PRKG1: variants seen among roughly 807,000 people sequenced by gnomAD.
PRKG1 encodes cGMP-dependent protein kinase 1.
A neutral mutation model predicts 88.1 loss-of-function variants in PRKG1; 35 were observed. The observed-to-expected ratio is 0.40, with a 90% CI of 0.30 to 0.53. The LOEUF (loss-of-function observed/expected upper bound fraction) is 0.53. Ranked by LOEUF, PRKG1 falls within the 20% of genes least tolerant of loss-of-function variation. The pLI, the probability that PRKG1 is intolerant of heterozygous loss-of-function variation, is 0.59. For synonymous variants in PRKG1, 303 were observed against 292.5 expected (o/e 1.04, Z -0.37); for missense variants, 540 against 839.8 (o/e 0.64, Z 4.41).
At chr10:51,276,346 T>C (rs1376493124) in intron 2 of PRKG1, among the ~76,000 whole-genome samples, 1 of 152,234 alleles carries the variant, frequency 6.6e-6, no homozygotes, top group Non-Finnish European at 1.5e-5. Flanking sequence ...TGCCGCATTT[T>C]CTTAATACAG....
intron 9 of PRKG1, among the ~76,000 whole-genome samples, chr10:52,193,563 C>CAAAAAAAAAAAAAAAAAAAAAA (rs67349420): frequency 8.4e-6 from 1 of 118,522 alleles, no homozygotes; most frequent in African/African-American, 3.3e-5. Flanking sequence ...AAAAAAAAAA[C>CAAAAAAAAAAAAAAAAAAAAAA]AAAAAAAAAA....
chr10:51,178,618 CAG>C (rs1294938313), intron 2 of PRKG1, among the ~76,000 whole-genome samples: 1 of 152,120 alleles, frequency 6.6e-6, no homozygotes, highest in Non-Finnish European at 1.5e-5. Context: ...GCCTGGAAGA[CAG>C]AGTGAGAACC....
At chr10:52,090,434 TACTG>T (rs1389269624) in intron 7 of PRKG1, among the ~76,000 whole-genome samples, 1 of 149,536 alleles carries the variant, frequency 6.7e-6, no homozygotes, top group Non-Finnish European at 1.5e-5. Flanking sequence ...AATAAATAAA[TACTG>T]AATAAATAAG....
chr10:51,031,819 T>C (rs1247497404), intron 1 of PRKG1, among the ~76,000 whole-genome samples: 1 of 152,180 alleles, frequency 6.6e-6, no homozygotes, highest in Non-Finnish European at 1.5e-5. Context: ...TATCTCATCA[T>C]ATGAATAGAA....
At chr10:51,712,400 G>A (rs1378482417) in intron 3 of PRKG1, among the ~76,000 whole-genome samples, 1 of 152,072 alleles carries the variant, frequency 6.6e-6, no homozygotes, top group African/African-American at 2.4e-5. Flanking sequence ...TTTCTCAACT[G>A]CCAAGGTGCC....
intron 3 of PRKG1, among the ~76,000 whole-genome samples, chr10:51,556,464 C>T (rs1837314085): frequency 6.6e-6 from 1 of 151,606 alleles, no homozygotes; most frequent in South Asian, 2.1e-4. Context: ...GTCACGATAG[C>T]AAAGACATGG....
intron 12 of PRKG1, among the ~76,000 whole-genome samples, chr10:52,274,036 T>G (rs1315152391): frequency 6.6e-6 from 1 of 152,092 alleles, no homozygotes; most frequent in African/African-American, 2.4e-5. Flanking sequence ...TTTTTCTAAT[T>G]AGAATAGAAG....
chr10:51,031,702 A>G (rs1843286404), intron 1 of PRKG1, among the ~76,000 whole-genome samples: 1 of 152,188 alleles, frequency 6.6e-6, no homozygotes, highest in Admixed American at 6.5e-5. Flanking sequence ...TACATGAGTT[A>G]TCCAAGATCA....
chr10:51,866,017 C>T (rs1010941944), intron 4 of PRKG1, among the ~76,000 whole-genome samples: 3 of 151,806 alleles, frequency 2.0e-5, no homozygotes, highest in Non-Finnish European at 4.4e-5. Context: ...AGGGATTTTT[C>T]TTGAGTCACA....
intron 6 of PRKG1, among the ~76,000 whole-genome samples, chr10:52,059,897 C>G (rs1029564095): frequency 6.6e-6 from 1 of 151,680 alleles, no homozygotes; most frequent in Non-Finnish European, 1.5e-5. Flanking sequence ...CTAGGCATAT[C>G]TATAACAAGA....
chr10:51,949,175 T>A (rs1330741208), intron 5 of PRKG1, among the ~76,000 whole-genome samples: 1 of 152,118 alleles, frequency 6.6e-6, no homozygotes, highest in East Asian at 1.9e-4. Context: ...TTAAGAAATA[T>A]TTAACATGTA....
chr10:52,179,666 T>C (rs977588474), intron 9 of PRKG1, among the ~76,000 whole-genome samples: 1 of 152,156 alleles, frequency 6.6e-6, no homozygotes, highest in African/African-American at 2.4e-5. Context: ...TATTATTTTA[T>C]TAGATACACT....
At chr10:51,881,704 A>G (rs1422322125) in intron 4 of PRKG1, among the ~76,000 whole-genome samples, 1 of 152,200 alleles carries the variant, frequency 6.6e-6, no homozygotes, top group African/African-American at 2.4e-5. Flanking sequence ...AGACAGCGGA[A>G]GGAAAAGATT....
At chr10:51,951,947 A>G (rs973881536) in intron 5 of PRKG1, among the ~76,000 whole-genome samples, 7 of 152,184 alleles carry the variant, frequency 4.6e-5, no homozygotes, top group Non-Finnish European at 8.8e-5. Context: ...TCAATATTAT[A>G]TGAAATTCAG....
At chr10:51,859,484 C>T (rs1263171545) in intron 4 of PRKG1, among the ~76,000 whole-genome samples, 1 of 150,620 alleles carries the variant, frequency 6.6e-6, no homozygotes, top group Non-Finnish European at 1.5e-5. Flanking sequence ...AAAATAGATG[C>T]AGCCCTTGAT....
At chr10:51,962,473 T>G (rs1306116103) in intron 5 of PRKG1, among the ~76,000 whole-genome samples, 2 of 152,098 alleles carry the variant, frequency 1.3e-5, no homozygotes, top group Non-Finnish European at 2.9e-5. Context: ...AGCTCCAGAT[T>G]TCTTTTTCTT....
intron 5 of PRKG1, among the ~76,000 whole-genome samples, chr10:51,947,268 A>T (rs1843065711): frequency 6.6e-6 from 1 of 152,136 alleles, no homozygotes; most frequent in Non-Finnish European, 1.5e-5. Context: ...CCTCGGAGCC[A>T]GGTGTGGGAT....
intron 9 of PRKG1, among the ~76,000 whole-genome samples, chr10:52,170,046 T>G (rs1299880039): frequency 6.6e-6 from 1 of 152,210 alleles, no homozygotes; most frequent in Non-Finnish European, 1.5e-5. Flanking sequence ...AGCATTCCCT[T>G]AGTTTAAAGC....
intron 2 of PRKG1, among the ~76,000 whole-genome samples, chr10:51,232,801 A>G (rs7088380): frequency 0.12 from 18,198 of 152,174 alleles, 1,978 homozygotes; most frequent in African/African-American, 0.29. Context: ...AGCTCCTTCA[A>G]TAGAATCAAC....
Sources: allele counts gnomAD v4.1 joint callset (sites outside exome capture counted in the v4.1 genomes callset), GRCh38; gene constraint gnomAD v4.1.1; transcripts MANE v1.5; gene names NCBI Gene and HGNC (gene_info 2026-07-23, HGNC 2026-07-21).